The following GOLGA5 variants were observed in gnomAD, a reference collection of about 807,000 sequenced individuals.
GOLGA5 encodes golgin A5, also known as golgin subfamily A member 5.
A neutral mutation model predicts 93.5 loss-of-function variants in GOLGA5; 50 were observed. That is an observed-to-expected ratio of 0.53 (90% CI 0.43 to 0.68). The LOEUF (loss-of-function observed/expected upper bound fraction) is 0.68, where lower values mean the gene tolerates loss of function less well. Among genes scored for constraint, GOLGA5 ranks in the 30% least tolerant of loss-of-function variants. The probability of loss-of-function intolerance (pLI) is 0.00; values close to 1 mark genes in which losing one functional copy is unlikely to be tolerated. For missense variants in GOLGA5, 760 were observed against 856.4 expected (o/e 0.89, Z 1.40); for synonymous variants, 312 against 304.5 (o/e 1.02, Z -0.26).
At position 92,816,263 on chromosome 14, in the gene GOLGA5, T is replaced by C; in HGVS notation, c.1333T>C (p.Leu445=). 6.2e-7 allele frequency: 1 copy of C among 1,611,076 alleles called. No homozygotes were observed. The highest frequency in any genetic ancestry group is 8.5e-7 in the Non-Finnish European group (1 of 1,178,154). The change falls in exon 7 of 13, where the codon TTG becomes CTG. Residue 445 remains leucine, a synonymous_variant. Coordinates refer to ENST00000163416, the MANE Select transcript of GOLGA5 (RefSeq NM_005113.4). ...TCTTTTATAATAGTCTAAGGAAAAA[T>C]TGATTAACAGCTTGAAAGAAGGCTC... is the stretch of plus-strand genomic sequence containing the variant. The part of the protein sequence containing the change: ...ATRILQSKEK[L]INSLKEGSGF...
At chr14:92,831,789 G>C (rs1157442114) in intron 9 of GOLGA5, among the ~76,000 whole-genome samples, 1 of 152,020 alleles carries the variant, frequency 6.6e-6, no homozygotes, top group African/African-American at 2.4e-5. Flanking sequence ...TTAATTTGTG[G>C]GGAGTGCTGT....
Position 92,813,893 on chromosome 14 carries a change from T to C in GOLGA5, c.1320+2139T>C, listed in dbSNP as rs376876650. Among the ~76,000 whole-genome samples, 4 of 151,872 alleles carry C rather than the reference T, an allele frequency of 2.6e-5. No homozygotes were observed. In the East Asian group the frequency reaches 5.8e-4, roughly 22 times the overall value. On this transcript the variant is annotated intron_variant, in intron 6 of 12. Transcript: ENST00000163416. ...GCAGGCAGGGGACAGCTAAGAGATA[T>C]GTGGGAGATAGAATATATGACATGT...
At chr14:92,820,130 G>C (rs1423282376) in intron 8 of GOLGA5, among the ~76,000 whole-genome samples, 1 of 152,194 alleles carries the variant, frequency 6.6e-6, no homozygotes, top group African/African-American at 2.4e-5. Context: ...ACCTTCACCG[G>C]CACCGGTCTC....
intron 3 of GOLGA5, among the ~76,000 whole-genome samples, chr14:92,807,736 T>C (rs1226826270): frequency 6.6e-6 from 1 of 152,062 alleles, no homozygotes; most frequent in African/African-American, 2.4e-5. Context: ...TCCTCAGAAA[T>C]AGGTAATTAA....
At chr14:92,824,976 C>G (rs1164269608) in intron 9 of GOLGA5, among the ~76,000 whole-genome samples, 1 of 152,166 alleles carries the variant, frequency 6.6e-6, no homozygotes, top group South Asian at 2.1e-4. Flanking sequence ...TAAGAAAAAT[C>G]TAATGATACA....
At chr14:92,837,625 G>A in intron 12 of GOLGA5, among the ~76,000 whole-genome samples, 176 bp downstream of exon 12, 1 of 151,886 alleles carries the variant, frequency 6.6e-6, no homozygotes, top group East Asian at 1.9e-4. Context: ...GTTCAGTGGT[G>A]CAGTCTTGGC....
intron 3 of GOLGA5, among the ~76,000 whole-genome samples, chr14:92,807,900 G>A (rs1272896427): frequency 6.6e-6 from 1 of 152,152 alleles, no homozygotes; most frequent in Non-Finnish European, 1.5e-5. Context: ...GTTTTGCCAA[G>A]CCATGGATAG....
chr14:92,804,524 G>A (rs1394045965), intron 2 of GOLGA5, among the ~76,000 whole-genome samples: 21 of 151,482 alleles, frequency 1.4e-4, no homozygotes. Context: ...TGCACCCTCC[G>A]CACAATTAAT....
Position 92,833,217 on chromosome 14 carries a change from G to A in GOLGA5, c.1815G>A (p.Leu605=). Residue 605 remains leucine (L), a synonymous_variant, in exon 10 of 13, where the codon CTG becomes CTA. Transcript: ENST00000163416. ...CTCTCATCCAGAAACAGACCATGCT[G>A]GAGAGTCTCAGCACAGAAAAGAACT... The part of the protein sequence containing the change: ...TETLIQKQTM[L]ESLSTEKNSL... The A allele has an allele frequency of 1.2e-6, 2 of 1,612,994 alleles. No individual in the cohort carries two copies. The highest frequency in any genetic ancestry group is 8.5e-7 in the Non-Finnish European group (1 of 1,178,960).
chr14:92,811,320 T>A (rs758052529), intron 5 of GOLGA5, among the ~76,000 whole-genome samples: 4 of 152,168 alleles, frequency 2.6e-5, no homozygotes, highest in Admixed American at 6.5e-5. Context: ...AGGCCTTGGA[T>A]GGCTATATTT....
At chr14:92,818,188 T>A (rs1595598222) in intron 7 of GOLGA5, among the ~76,000 whole-genome samples, 2 of 152,264 alleles carry the variant, frequency 1.3e-5, no homozygotes, top group Non-Finnish European at 2.9e-5. Flanking sequence ...TTCTTACCCT[T>A]CTCAAAATTT....
intron 10 of GOLGA5, 96 bp downstream of exon 10, chr14:92,833,443 G>T: frequency 1.1e-6 from 1 of 875,014 alleles, no homozygotes; most frequent in Admixed American, 2.1e-5. Flanking sequence ...ACTTCATCCA[G>T]TGAAGGACTC....
In GOLGA5 at chr14:92,816,375, T is replaced by C. The variant is rs772469310; in HGVS notation, c.1445T>C (p.Ile482Thr). ...RHEKEMQREE[I>T]QKLMGQIHQL... ...GAGAAAGAGATGCAGAGGGAGGAAA[T>C]ACAGAAGCTGATGGGCCAGATACAT... The change falls in exon 7 of 13, where the codon ATA becomes ACA. Residue 482 changes from isoleucine (I) to threonine (T), a missense_variant. Coordinates refer to ENST00000163416, the MANE Select transcript of GOLGA5 (RefSeq NM_005113.4). 5.6e-6 allele frequency: 9 copies of C among 1,613,874 alleles called. No individual in the cohort carries two copies. In the South Asian group the frequency reaches 9.9e-5, roughly 18 times the overall value.
Position 92,819,801 on chromosome 14 carries a change from C to T in GOLGA5, c.1585C>T (p.Gln529Ter). The change falls in exon 8 of 13, where the codon CAA becomes TAA. Residue 529 changes from glutamine to a stop codon, truncating the protein, a stop_gained. Coordinates refer to ENST00000163416, the MANE Select transcript of GOLGA5 (RefSeq NM_005113.4). LOFTEE classifies it high-confidence loss of function. ...AATAGCTGGGCAGAAAGCATCCAAA[C>T]AAGAACTAGAGACAGAACTGGAGCG... ...DQIAGQKASKQELETELERLK... is the reference protein window; with the variant it reads ...DQIAGQKASK 1 of 1,614,038 alleles carries T rather than the reference C, an allele frequency of 6.2e-7. No homozygotes were observed. Among genetic ancestry groups the T allele is most frequent in the Non-Finnish European group, 8.5e-7 (1 of 1,179,924 alleles).
intron 3 of GOLGA5, among the ~76,000 whole-genome samples, 197 bp downstream of exon 3, chr14:92,807,160 GA>G (rs1885005743): frequency 1.3e-5 from 2 of 152,170 alleles, no homozygotes; most frequent in African/African-American, 2.4e-5. Flanking sequence ...AAATTAGTCA[GA>G]TGTGGTTGCA....
chr14:92,817,787 G>C (rs147170657), intron 7 of GOLGA5, among the ~76,000 whole-genome samples: 484 of 152,286 alleles, frequency 3.2e-3, no homozygotes, highest in Middle Eastern at 0.014. Context: ...GCAGACAGAC[G>C]TGGATAGATT....
chr14:92,794,928 G>A (rs891160424), intron 1 of GOLGA5, among the ~76,000 whole-genome samples: 5 of 152,318 alleles, frequency 3.3e-5, no homozygotes, highest in African/African-American at 1.2e-4. Context: ...GGGAATTGAC[G>A]GGTGCCTCTG....
chr14:92,836,184 C>CA (rs982033211), intron 11 of GOLGA5, among the ~76,000 whole-genome samples: 1 of 151,962 alleles, frequency 6.6e-6, no homozygotes, highest in African/African-American at 2.4e-5. Flanking sequence ...TCTGCCTTAT[C>CA]AAAAAAATAT....
At chr14:92,819,464 T>TAA (rs57978535) in intron 7 of GOLGA5, among the ~76,000 whole-genome samples, 110 of 134,594 alleles carry the variant, frequency 8.2e-4, no homozygotes, top group African/African-American at 1.5e-3. Context: ...TCCCATCTCT[T>TAA]AAAAAAAAAA....
Sources: allele counts gnomAD v4.1 joint callset (sites outside exome capture counted in the v4.1 genomes callset), GRCh38; gene constraint gnomAD v4.1.1; transcripts MANE v1.5; gene names NCBI Gene and HGNC (gene_info 2026-07-23, HGNC 2026-07-21).